SMYD5: variants seen among roughly 807,000 people sequenced by gnomAD.
The protein encoded by SMYD5 is SMYD family member 5, also known as protein-lysine N-trimethyltransferase SMYD5.
A neutral mutation model predicts 57.4 loss-of-function variants in SMYD5; 35 were observed. The observed-to-expected ratio is 0.61, with a 90% confidence interval of 0.47 to 0.81. SMYD5 has a LOEUF of 0.81. Among genes scored for constraint, SMYD5 ranks in the 30% least tolerant of loss-of-function variants. The pLI, the probability that SMYD5 is intolerant of heterozygous loss-of-function variation, is 0.00. For missense variants in SMYD5, 471 were observed against 527.9 expected, an observed-to-expected ratio of 0.89 and a Z score of 1.06; for synonymous variants, 198 against 189.7, an observed-to-expected ratio of 1.04 and a Z score of -0.36.
In SMYD5 at chr2:73,224,895, ACCT is replaced by A. The variant is rs776257136; in HGVS notation, c.974_976del (p.Ser325del). 6.2e-7 allele frequency: 1 copy of A among 1,613,782 alleles called. No individual in the cohort carries two copies. The highest frequency in any genetic ancestry group is 1.3e-5 in the African/African-American group (1 of 74,840). On this transcript the variant is annotated inframe_deletion, in exon 11 of 13. Transcript: ENST00000389501. ...CCACAGTTGTGTGCCCAATGCAGAG[ACCT>A]CCTTTCCAGAAAACAACTTCCTTTT...
chr2:73,214,385 C>T (rs55833912), intron 1 of SMYD5, 23 bp downstream of exon 1: 155,230 of 1,612,292 alleles, frequency 0.096, 8,417 homozygotes, highest in Non-Finnish European at 0.11. Context: ...CGGGTCCTGC[C>T]GGGAGCCTCT....
rs747787917 is a variant in SMYD5, at chr2:73,214,259, C to T, written c.-8C>T. Reference sequence around the variant, plus strand: ...GGTTAAGGGTCATAAGGCGGAGGCGCGCCCAAGATGGCGGCCTCCATGTGC... The same window carrying T: ...GGTTAAGGGTCATAAGGCGGAGGCGTGCCCAAGATGGCGGCCTCCATGTGC... On this transcript the variant is annotated 5_prime_UTR_variant, in exon 1 of 13. Transcript: ENST00000389501. 2.5e-6 allele frequency: 4 copies of T among 1,613,300 alleles called. No individual in the cohort carries two copies. The highest frequency in any genetic ancestry group is 2.5e-6 in the Non-Finnish European group (3 of 1,179,548).
chr2:73,225,863 T>G lies in SMYD5; in HGVS notation c.1174T>G (p.Ser392Ala). Residue 392 changes from serine (S) to alanine (A), a missense_variant, in exon 13 of 13, where the codon TCA becomes GCA. Transcript: ENST00000389501. ...AGAGGCTGATGAACCCAATGTGACC[T>G]CAGAAGAGGAAGAGGAAGAGGAGGA... Reference protein sequence around the residue: ...LAEADEPNVTSEEEEEEEEEE... With the variant: ...LAEADEPNVTAEEEEEEEEEE... 1 of 1,613,964 alleles carries G rather than the reference T, an allele frequency of 6.2e-7. No individual in the cohort carries two copies. Among genetic ancestry groups the G allele is most frequent in the Non-Finnish European group, 8.5e-7 (1 of 1,179,954 alleles).
chr2:73,224,093 C>G (rs1686456513), intron 10 of SMYD5, 90 bp downstream of exon 10: 2 of 1,205,646 alleles, frequency 1.7e-6, no homozygotes, highest in Non-Finnish European at 2.5e-6. Flanking sequence ...CTCAGTTGGC[C>G]CTTTCTAGGC....
At position 73,214,279 on chromosome 2, in the gene SMYD5, A is replaced by G. The variant is rs760094298; in HGVS notation, c.13A>G (p.Met5Val). The G allele has an allele frequency of 9.9e-6, 16 of 1,613,682 alleles. No individual in the cohort carries two copies. Among genetic ancestry groups the G allele is most frequent in the Admixed American group, 6.7e-5 (4 of 59,986 alleles). The part of the protein sequence containing the change: MAAS[M>V]CDVFSFCVGV... ...AGGCGCGCCCAAGATGGCGGCCTCCATGTGCGACGTGTTCTCCTTCTGCGT... is the reference window on the plus strand; with the variant it reads ...AGGCGCGCCCAAGATGGCGGCCTCCGTGTGCGACGTGTTCTCCTTCTGCGT... The change falls in exon 1 of 13, where the codon ATG becomes GTG. Residue 5 changes from methionine to valine, a missense_variant. Met to Val is a conservative substitution (Grantham distance 21, BLOSUM62 1). Transcript: ENST00000389501.
intron 3 of SMYD5, 125 bp from the exon 4 acceptor site, chr2:73,220,536 C>G: frequency 8.7e-7 from 1 of 1,152,254 alleles, no homozygotes; most frequent in Middle Eastern, 2.6e-4. Flanking sequence ...CCAGAGCACC[C>G]TATGTTTTCT....
At chr2:73,224,985 G>C (rs1686471274) in intron 11 of SMYD5, 25 bp downstream of exon 11, 1 of 1,582,264 alleles carries the variant, frequency 6.3e-7, no homozygotes, top group African/African-American at 1.3e-5. Context: ...GAACCGTCGG[G>C]ATGGGTGGGC....
At chr2:73,222,672 C>G in intron 6 of SMYD5, 83 bp from the exon 7 acceptor site, 1 of 1,184,116 alleles carries the variant, frequency 8.4e-7, no homozygotes, top group Non-Finnish European at 1.2e-6. Context: ...TTTTCCTTCC[C>G]TCCCCTAGTC....
At chr2:73,215,934 T>TC (rs1228179955) in intron 1 of SMYD5, among the ~76,000 whole-genome samples, 1 of 152,206 alleles carries the variant, frequency 6.6e-6, no homozygotes, top group African/African-American at 2.4e-5. Context: ...TTGTTTTTTT[T>TC]TGGTAAAACA....
Position 73,226,649 on chromosome 2 carries a change from G to C in SMYD5, c.*703G>C, listed in dbSNP as rs1018271717. The C allele has an allele frequency of 6.5e-6, 1 of 152,864 alleles. No homozygotes were observed. The allele number at this position is 152,864 out of a possible 1,614,324, so 9.5% of individuals were successfully genotyped here. Reference sequence around the variant, plus strand: ...CACAGTGGCTGGCCTTATGGAGTATGGAAAAGGCCTCTGCCTTCCTCAGGA... The same window carrying C: ...CACAGTGGCTGGCCTTATGGAGTATCGAAAAGGCCTCTGCCTTCCTCAGGA... On this transcript the variant is annotated 3_prime_UTR_variant, in exon 13 of 13. Coordinates refer to ENST00000389501, the MANE Select transcript of SMYD5 (RefSeq NM_006062.3).
chr2:73,214,722 C>T (rs1686260782), intron 1 of SMYD5: 6 of 1,348,620 alleles, frequency 4.4e-6, no homozygotes, highest in African/African-American at 4.4e-5. Flanking sequence ...AAGAGGGAGT[C>T]CTCACGAACT....
intron 11 of SMYD5, 119 bp downstream of exon 11, chr2:73,225,079 C>T (rs568607856): frequency 1.3e-5 from 9 of 703,052 alleles, no homozygotes; most frequent in Non-Finnish European, 2.2e-5. Context: ...GTGGAATCCC[C>T]ACATACCTTA....
chr2:73,226,239 G>A lies in SMYD5; in HGVS notation c.*293G>A. 2 of 442,372 alleles carry A rather than the reference G, an allele frequency of 4.5e-6. No individual in the cohort carries two copies. The highest frequency in any genetic ancestry group is 8.1e-6 in the Non-Finnish European group (2 of 248,330). 27.4% of individuals were successfully genotyped at this position (442,372 alleles called of 1,614,324 possible). ...TAGGGTTTGAGGGGCTGGAATCAGGGCCAGGGCCTAACAGTGTTTCTTCCC... is the reference window on the plus strand; with the variant it reads ...TAGGGTTTGAGGGGCTGGAATCAGGACCAGGGCCTAACAGTGTTTCTTCCC... On this transcript the variant is annotated 3_prime_UTR_variant, in exon 13 of 13. Transcript: ENST00000389501.
chr2:73,214,408 C>A (rs1367774721), intron 1 of SMYD5, 46 bp downstream of exon 1: 2 of 1,611,230 alleles, frequency 1.2e-6, no homozygotes, highest in Non-Finnish European at 1.7e-6. Context: ...CCAGTCCGGC[C>A]ATGGAGACAG....
chr2:73,220,835 G>C, intron 4 of SMYD5, 53 bp downstream of exon 4: 1 of 1,595,482 alleles, frequency 6.3e-7, no homozygotes, highest in South Asian at 1.1e-5. Context: ...CTGGTTGCCT[G>C]CCTGGGCTCA....
At chr2:73,221,724 A>C in intron 5 of SMYD5, 102 bp from the exon 6 acceptor site, 8 of 774,382 alleles carry the variant, frequency 1.0e-5, no homozygotes, top group Non-Finnish European at 1.6e-5. Context: ...AGGCAGAGGA[A>C]GGGCCCCTAT....
Position 73,225,810 on chromosome 2 carries a change from T to C in SMYD5, c.1121T>C (p.Phe374Ser), listed in dbSNP as rs769599060. 6.2e-7 allele frequency: 1 copy of C among 1,614,096 alleles called. No homozygotes were observed. ...RHKILRENYL[F>S]VCSCPKCLAE... ...CACCGCTGCAGGGAGAACTATCTAT[T>C]TGTCTGTTCCTGTCCCAAATGCCTG... The change falls in exon 13 of 13, where the codon TTT becomes TCT. Residue 374 changes from phenylalanine to serine, a missense_variant. Coordinates refer to ENST00000389501, the MANE Select transcript of SMYD5 (RefSeq NM_006062.3).
intron 1 of SMYD5, among the ~76,000 whole-genome samples, chr2:73,218,125 A>C (rs1686322793): frequency 6.6e-6 from 1 of 152,204 alleles, no homozygotes; most frequent in Non-Finnish European, 1.5e-5. Flanking sequence ...AGTAGGAAGA[A>C]GCTAGAGCTC....
In SMYD5 at chr2:73,226,842, C is replaced by G. The variant is rs1483138127; in HGVS notation, c.*896C>G. The G allele has an allele frequency of 6.5e-6, 1 of 152,756 alleles. No individual in the cohort carries two copies. Among genetic ancestry groups the G allele is most frequent in the Non-Finnish European group, 1.5e-5 (1 of 68,150 alleles). 9.5% of individuals were successfully genotyped at this position (152,756 alleles called of 1,614,324 possible). ...AGTGAGGGGCTCTCCTGGCCTCAATCTCCATCTTTAGGGTCTCCACAGACT... is the reference window on the plus strand; with the variant it reads ...AGTGAGGGGCTCTCCTGGCCTCAATGTCCATCTTTAGGGTCTCCACAGACT... On this transcript the variant is annotated 3_prime_UTR_variant, in exon 13 of 13. Coordinates refer to ENST00000389501, the MANE Select transcript of SMYD5 (RefSeq NM_006062.3).
Sources: allele counts gnomAD v4.1 joint callset (sites outside exome capture counted in the v4.1 genomes callset), GRCh38; gene constraint gnomAD v4.1.1; transcripts MANE v1.5; gene names NCBI Gene and HGNC (gene_info 2026-07-23, HGNC 2026-07-21).